Variants in LMBR1 observed in about 807,000 individuals in gnomAD.
LMBR1 encodes limb region 1 protein homolog.
Under a neutral mutation model 73.9 loss-of-function variants are expected in LMBR1, and 52 were observed. That is an observed-to-expected ratio of 0.70 (90% CI 0.56 to 0.89). LMBR1 has a LOEUF of 0.89. Among genes scored for constraint, LMBR1 ranks in the 40% least tolerant of loss-of-function variants. The pLI, the probability that LMBR1 is intolerant of heterozygous loss-of-function variation, is 0.00. For missense variants in LMBR1, 539 were observed against 579.8 expected (o/e 0.93, Z 0.72); for synonymous variants, 215 against 209.4 (o/e 1.03, Z -0.23).
At chr7:156,761,563 A>C (rs957705458) in intron 8 of LMBR1, among the ~76,000 whole-genome samples, 1 of 152,214 alleles carries the variant, frequency 6.6e-6, no homozygotes, top group Non-Finnish European at 1.5e-5. Flanking sequence ...AAATATTTGT[A>C]AATTTTGTCC....
At chr7:156,865,991 A>C (rs1798393892) in intron 1 of LMBR1, among the ~76,000 whole-genome samples, 1 of 152,180 alleles carries the variant, frequency 6.6e-6, no homozygotes, top group South Asian at 2.1e-4. Context: ...TATTGGAAGA[A>C]GGTATAGAAG....
chr7:156,890,645 A>G (rs760404802), intron 1 of LMBR1, among the ~76,000 whole-genome samples: 1 of 152,244 alleles, frequency 6.6e-6, no homozygotes, highest in Non-Finnish European at 1.5e-5. Context: ...GATGAACACT[A>G]TAACACACTT....
chr7:156,688,814 C>G (rs573364434), intron 15 of LMBR1, among the ~76,000 whole-genome samples: 13 of 152,130 alleles, frequency 8.5e-5, no homozygotes, highest in Admixed American at 2.6e-4. Flanking sequence ...GCCTGTTTTC[C>G]CCACTAGAAT....
intron 10 of LMBR1, among the ~76,000 whole-genome samples, chr7:156,730,840 G>A (rs1475056511): frequency 2.0e-5 from 3 of 152,282 alleles, no homozygotes; most frequent in East Asian, 3.9e-4. Flanking sequence ...GGGAGGCTGA[G>A]GCAAGAGAAT....
chr7:156,879,261 CCA>C (rs1290735124), intron 1 of LMBR1, among the ~76,000 whole-genome samples: 1 of 152,126 alleles, frequency 6.6e-6, no homozygotes, highest in African/African-American at 2.4e-5. Flanking sequence ...AACAGAAAAC[CCA>C]CAGAGTGGGA....
chr7:156,680,818 AG>A lies in LMBR1; in HGVS notation c.*3259del, dbSNP rs1187918611. ...TAAGTTTTAGCCATGATAATATTTA[AG>A]ATGGAAAAAACAAAAGAACAAATAA... is the stretch of plus-strand genomic sequence containing the variant. On this transcript the variant is annotated 3_prime_UTR_variant, in exon 17 of 17. Coordinates refer to ENST00000353442, the MANE Select transcript of LMBR1 (RefSeq NM_022458.4). 4.9e-6 allele frequency: 1 copy of A among 204,386 alleles called. No individual in the cohort carries two copies. The highest frequency in any genetic ancestry group is 9.7e-6 in the Non-Finnish European group (1 of 102,696). The allele number at this position is 204,386 out of a possible 1,614,324, so 12.7% of individuals were successfully genotyped here. A position where few individuals can be genotyped will look rare whatever the true frequency, so the allele number is the denominator to read the frequency against.
Position 156,685,175 on chromosome 7 carries a change from A to G in LMBR1, c.1388-1012T>C, listed in dbSNP as rs1290795301. Among the ~76,000 whole-genome samples the G allele has an allele frequency of 6.6e-6, 1 of 152,276 alleles. No individual in the cohort carries two copies. Among genetic ancestry groups the G allele is most frequent in the Non-Finnish European group, 1.5e-5 (1 of 68,046 alleles). On this transcript the variant is annotated intron_variant, in intron 16 of 16. Coordinates refer to ENST00000353442, the MANE Select transcript of LMBR1 (RefSeq NM_022458.4). This position sits in a 1 kb window ranked among gnomAD's most constrained non-coding sequence, Gnocchi z 4.1. ...AAAACTATCACTATCTTTTAAAGTT[A>G]CATTTATTTCTCTCTGTATCATAAA... is the stretch of plus-strand genomic sequence containing the variant.
At chr7:156,885,816 T>A (rs1261732412) in intron 1 of LMBR1, among the ~76,000 whole-genome samples, 1 of 152,096 alleles carries the variant, frequency 6.6e-6, no homozygotes, top group African/African-American at 2.4e-5. Context: ...AAGCAGAGGT[T>A]ATCGTGAGCC....
At chr7:156,884,013 C>T (rs976361084) in intron 1 of LMBR1, among the ~76,000 whole-genome samples, 1 of 152,188 alleles carries the variant, frequency 6.6e-6, no homozygotes, top group Admixed American at 6.6e-5. Context: ...GCTGATTTAA[C>T]CCAGTTTAGA....
downstream of LMBR1, among the ~76,000 whole-genome samples, chr7:156,673,216 TCTGAGGTATAATTTTGAAGGAA>T (rs1802979273): frequency 6.6e-6 from 1 of 152,228 alleles, no homozygotes; most frequent in Admixed American, 6.5e-5. Flanking sequence ...TGACCCTTTT[TCTGAGGTATAATTTTGAAGGAA>T]GAAAAGATCT....
At chr7:156,736,756 T>C (rs1817950360) in intron 9 of LMBR1, 1 of 326,366 alleles carries the variant, frequency 3.1e-6, no homozygotes, top group Non-Finnish European at 6.1e-6. Context: ...CCTATCCACA[T>C]AGCAAACTAT....
At chr7:156,807,654 C>T in intron 4 of LMBR1, among the ~76,000 whole-genome samples, 1 of 152,084 alleles carries the variant, frequency 6.6e-6, no homozygotes, top group East Asian at 1.9e-4. Flanking sequence ...TTTCCTCTCT[C>T]AAGATTTTTA....
At chr7:156,730,244 C>T (rs879323656) in intron 10 of LMBR1, among the ~76,000 whole-genome samples, 5 of 152,160 alleles carry the variant, frequency 3.3e-5, no homozygotes, top group African/African-American at 9.7e-5. Flanking sequence ...TTCAAGACAC[C>T]AGTGGCTAAG....
intron 1 of LMBR1, among the ~76,000 whole-genome samples, chr7:156,839,410 T>C (rs1294598489): frequency 2.0e-5 from 3 of 152,096 alleles, no homozygotes; most frequent in Non-Finnish European, 4.4e-5. Context: ...ATCTGGGGAA[T>C]GCCAGACCGA....
rs73741544 is a variant in LMBR1 at position 156,829,863 on chromosome 7, C to T, written c.180-3119G>A. ...GCCGTCTCCAGGGGCCTTGCTTCACCGGTTAGTCATCCTCCCTCTAGCTGC... is the reference window on the plus strand; with the variant it reads ...GCCGTCTCCAGGGGCCTTGCTTCACTGGTTAGTCATCCTCCCTCTAGCTGC... On this transcript the variant is annotated intron_variant, in intron 3 of 16. Coordinates refer to ENST00000353442, the MANE Select transcript of LMBR1 (RefSeq NM_022458.4). Among the ~76,000 whole-genome samples, 87 of 152,298 alleles carry T rather than the reference C, an allele frequency of 5.7e-4. 1 individual carries two copies. Among genetic ancestry groups the T allele is most frequent in the African/African-American group, 1.9e-3 (81 of 41,556 alleles).
At chr7:156,868,861 G>A (rs1311926024) in intron 1 of LMBR1, among the ~76,000 whole-genome samples, 1 of 152,084 alleles carries the variant, frequency 6.6e-6, no homozygotes, top group African/African-American at 2.4e-5. Context: ...AGCTACTTGA[G>A]AGGCGAGGTG....
intron 1 of LMBR1, among the ~76,000 whole-genome samples, chr7:156,877,351 G>A (rs1040326691): frequency 1.3e-5 from 2 of 151,326 alleles, no homozygotes; most frequent in Non-Finnish European, 2.9e-5. Flanking sequence ...CAATCCTATC[G>A]ACACTATTCC....
intron 16 of LMBR1, 96 bp from the exon 17 acceptor site, chr7:156,684,259 T>C: frequency 1.0e-6 from 1 of 978,102 alleles, no homozygotes; most frequent in Non-Finnish European, 1.6e-6. Context: ...CAAAGCTAAG[T>C]GTTATTTGGA....
chr7:156,759,214 G>A (rs1822507809), intron 8 of LMBR1, among the ~76,000 whole-genome samples: 1 of 152,240 alleles, frequency 6.6e-6, no homozygotes, highest in Non-Finnish European at 1.5e-5. Context: ...GTTTTTGATG[G>A]TAGTAGCATA....
Sources: allele counts gnomAD v4.1 joint callset (sites outside exome capture counted in the v4.1 genomes callset), GRCh38; gene constraint gnomAD v4.1.1; non-coding constraint Gnocchi (gnomAD v3.1); transcripts MANE v1.5; gene names NCBI Gene and HGNC (gene_info 2026-07-23, HGNC 2026-07-21).